The following VCAN variants were observed in gnomAD, a reference collection of about 807,000 sequenced individuals.
The protein encoded by VCAN is versican core protein.
A neutral mutation model predicts 245.5 loss-of-function variants in VCAN; 44 were observed. The ratio of observed to expected loss-of-function variants is 0.18; its 90% CI spans 0.14 to 0.23. The LOEUF (loss-of-function observed/expected upper bound fraction) is 0.23. Among genes scored for constraint, VCAN ranks in the 10% least tolerant of loss-of-function variants. VCAN has a pLI of 1.00. For synonymous variants in VCAN, 1,413 were observed against 1,437.0 expected (o/e 0.98, Z 0.38); for missense variants, 3,793 against 4,057.9 (o/e 0.93, Z 1.77).
chr5:83,566,323 G>C (rs981170618), intron 12 of VCAN, among the ~76,000 whole-genome samples: 5 of 152,058 alleles, frequency 3.3e-5, no homozygotes, highest in Non-Finnish European at 7.4e-5. Context: ...TAAGGAAAAG[G>C]GCTATTAGTG....
intron 5 of VCAN, among the ~76,000 whole-genome samples, chr5:83,505,874 TTC>T (rs1745467086): frequency 6.6e-6 from 1 of 152,228 alleles, no homozygotes; most frequent in Admixed American, 6.5e-5. Context: ...AGTTCTTGAC[TTC>T]TGTGCACCCA....
chr5:83,496,132 T>G (rs1745152700), intron 5 of VCAN, among the ~76,000 whole-genome samples: 1 of 152,216 alleles, frequency 6.6e-6, no homozygotes, highest in Non-Finnish European at 1.5e-5. Context: ...CACACTGTCT[T>G]CATTGAACGA....
intron 12 of VCAN, among the ~76,000 whole-genome samples, chr5:83,562,866 C>T (rs1257691366): frequency 6.6e-6 from 1 of 152,136 alleles, no homozygotes; most frequent in Admixed American, 6.6e-5. Flanking sequence ...GCGAGTAACT[C>T]ACATCCTTCT....
chr5:83,576,861 T>C lies in VCAN; in HGVS notation c.9881-3119T>C, dbSNP rs184021535. Among the ~76,000 whole-genome samples, 3 of 152,268 alleles carry C rather than the reference T, an allele frequency of 2.0e-5. No homozygotes were observed. The East Asian group carries it at 5.8e-4, about 29-fold the overall frequency. On this transcript the variant is annotated intron_variant, in intron 13 of 14. Transcript: ENST00000265077. ...TATATTTATCAATCACTTGAAGCTC[T>C]GCTTTTGTAAAGTTTCTGTTCATAT...
At chr5:83,562,672 A>AAAT (rs1554042785) in intron 12 of VCAN, among the ~76,000 whole-genome samples, 1 of 146,526 alleles carries the variant, frequency 6.8e-6, no homozygotes, top group African/African-American at 2.5e-5. Flanking sequence ...AAAAAAAAAA[A>AAAT]ATATATTGAA....
chr5:83,562,452 TG>T (rs1159636579), intron 12 of VCAN: 2 of 152,136 alleles, frequency 1.3e-5, no homozygotes, highest in African/African-American at 4.8e-5. Context: ...AGTGGTGGGT[TG>T]AACAGCTGGA....
chr5:83,514,026 A>G (rs1168509146), intron 6 of VCAN, among the ~76,000 whole-genome samples: 1 of 152,196 alleles, frequency 6.6e-6, no homozygotes, highest in Non-Finnish European at 1.5e-5. Flanking sequence ...CTGTAGCCAC[A>G]AAGACTATTA....
chr5:83,578,128 G>T (rs1748544828), intron 13 of VCAN, among the ~76,000 whole-genome samples: 1 of 152,038 alleles, frequency 6.6e-6, no homozygotes, highest in Non-Finnish European at 1.5e-5. Flanking sequence ...AAAGAAGTGT[G>T]CACCATGGAA....
intron 5 of VCAN, among the ~76,000 whole-genome samples, chr5:83,503,372 C>G (rs1354007643): frequency 6.6e-6 from 1 of 152,170 alleles, no homozygotes; most frequent in African/African-American, 2.4e-5. Context: ...TATTTAGAAG[C>G]TCATTTCATG....
chr5:83,521,151 G>T lies in VCAN; in HGVS notation c.2845G>T (p.Val949Leu). Residue 949 changes from valine to leucine, a missense_variant, in exon 7 of 15, where the codon GTG becomes TTG. By Grantham distance (32) the Val-to-Leu change is conservative. Around this residue, in one of 5 missense-constraint regions of VCAN, gnomAD observed 3,182 missense variants for 3,250.3 expected, o/e 0.98. Coordinates refer to ENST00000265077, the MANE Select transcript of VCAN (RefSeq NM_004385.5). The stretch of plus-strand genomic sequence containing the variant: ...TCCCCAATTTGCACACACTTCAGAG[G>T]TGGAAGGATTAGCATTTGTTAGTTA... ...TVPQFAHTSE[V>L]EGLAFVSYSS... is the part of the protein sequence containing the mutation. 6.2e-7 allele frequency: 1 copy of T among 1,613,956 alleles called. No individual in the cohort carries two copies. The highest frequency in any genetic ancestry group is 2.2e-5 in the East Asian group (1 of 44,882).
Position 83,474,067 on chromosome 5 carries a change from A to G in VCAN, c.-7+2044A>G, listed in dbSNP as rs147736721. On this transcript the variant is annotated intron_variant, in intron 1 of 14. Coordinates refer to ENST00000265077, the MANE Select transcript of VCAN (RefSeq NM_004385.5). ...TGGGCGTCTTTAAGAAAGATAATACACATACCGTGCTCTCAAAACCCATGA... is the reference window on the plus strand; with the variant it reads ...TGGGCGTCTTTAAGAAAGATAATACGCATACCGTGCTCTCAAAACCCATGA... Among the ~76,000 whole-genome samples, 19 of 152,092 alleles carry G rather than the reference A, an allele frequency of 1.2e-4. No individual in the cohort carries two copies. The East Asian group carries it at 3.7e-3, about 30-fold the overall frequency.
chr5:83,538,905 C>G lies in VCAN; in HGVS notation c.5902C>G (p.Gln1968Glu), dbSNP rs775630677. 9.3e-6 allele frequency: 15 copies of G among 1,613,856 alleles called. No individual in the cohort carries two copies. In the Admixed American group the frequency reaches 1.8e-4, roughly 20 times the overall value. The change falls in exon 8 of 15, where the codon CAG becomes GAG. Residue 1968 changes from glutamine to glutamate, a missense_variant. Coordinates refer to ENST00000265077, the MANE Select transcript of VCAN (RefSeq NM_004385.5). ...GSGDAAFRDT[Q>E]TSPSTVPTSV... is the part of the protein sequence containing the mutation. ...TGGAGATGCAGCATTTAGGGACACC[C>G]AGACTTCACCATCTACAGTACCTAC... is the stretch of plus-strand genomic sequence containing the variant.
Position 83,572,505 on chromosome 5 carries a change from G to C in VCAN, c.9825G>C (p.Gln3275His), listed in dbSNP as rs745742064. Residue 3275 changes from glutamine (Q) to histidine (H), a missense_variant, in exon 13 of 15, where the codon CAG (glutamine) becomes CAC (histidine). Gln to His is a conservative substitution (Grantham distance 24). This residue lies in a region of VCAN where 205 missense variants were observed against 321.1 expected (regional missense o/e 0.64). Coordinates refer to ENST00000265077, the MANE Select transcript of VCAN (RefSeq NM_004385.5). ...TAATCATTTGGCATGAGAATGGCCAGTGGAATGATGTTCCCTGCAATTACC... is the reference window on the plus strand; with the variant it reads ...TAATCATTTGGCATGAGAATGGCCACTGGAATGATGTTCCCTGCAATTACC... ...CVVIIWHENG[Q>H]WNDVPCNYHL... 6.2e-7 allele frequency: 1 copy of C among 1,613,810 alleles called. No homozygotes were observed. Among genetic ancestry groups the C allele is most frequent in the South Asian group, 1.1e-5 (1 of 91,086 alleles).
In VCAN at chr5:83,541,456, C is replaced by A. The variant is rs753597820; in HGVS notation, c.8453C>A (p.Ala2818Glu). 6.2e-7 allele frequency: 1 copy of A among 1,614,050 alleles called. No homozygotes were observed. The highest frequency in any genetic ancestry group is 8.5e-7 in the Non-Finnish European group (1 of 1,180,000). Reference protein sequence around the residue: ...TDTTLAVSTFAKLSSQTPSSP... With the variant: ...TDTTLAVSTFEKLSSQTPSSP... Reference sequence around the variant, plus strand: ...ACAACATTAGCAGTTTCAACATTTGCGAAGTTGTCTTCTCAGACACCATCA... The same window carrying A: ...ACAACATTAGCAGTTTCAACATTTGAGAAGTTGTCTTCTCAGACACCATCA... Residue 2818 changes from alanine (A) to glutamate (E), a missense_variant, in exon 8 of 15, where the codon GCG becomes GAG. Physicochemically the swap from Ala to Glu is moderately radical, Grantham distance 107. Transcript: ENST00000265077.
In VCAN at chr5:83,539,070, G is replaced by T. The variant is rs765705867; in HGVS notation, c.6067G>T (p.Val2023Phe). 4.3e-6 allele frequency: 7 copies of T among 1,613,872 alleles called. No individual in the cohort carries two copies. The highest frequency in any genetic ancestry group is 2.7e-5 in the African/African-American group (2 of 74,938). Residue 2023 changes from valine (V) to phenylalanine (F), a missense_variant, in exon 8 of 15, where the codon GTT becomes TTT. This residue lies in a region of VCAN where 3,182 missense variants were observed against 3,250.3 expected (regional missense o/e 0.98). Transcript: ENST00000265077. ...ACTGGTCACAGTCAGCAGCTCTGTTGTTCCAGTGCTTCCCAGTGCTGTGCA... is the reference window on the plus strand; with the variant it reads ...ACTGGTCACAGTCAGCAGCTCTGTTTTTCCAGTGCTTCCCAGTGCTGTGCA... ...EQLVTVSSSV[V>F]PVLPSAVQKF...
intron 10 of VCAN, among the ~76,000 whole-genome samples, chr5:83,551,273 G>A (rs1477374362): frequency 1.3e-5 from 2 of 152,122 alleles, no homozygotes; most frequent in South Asian, 4.1e-4. Flanking sequence ...CACTCTGGGA[G>A]GCCAAGGCAG....
intron 5 of VCAN, 57 bp from the exon 6 acceptor site, chr5:83,512,046 A>G (rs1175305209): frequency 6.2e-7 from 1 of 1,607,144 alleles, no homozygotes; most frequent in East Asian, 2.2e-5. Flanking sequence ...TATTTATCCA[A>G]CAGGAAAGGA....
intron 7 of VCAN, among the ~76,000 whole-genome samples, chr5:83,527,642 T>G (rs16900499): frequency 0.035 from 5,308 of 152,286 alleles, 343 homozygotes; most frequent in African/African-American, 0.12. Flanking sequence ...GTGAAATATT[T>G]TGTATACGTA....
intron 1 of VCAN, among the ~76,000 whole-genome samples, chr5:83,473,462 G>T (rs1326649946): frequency 2.6e-5 from 4 of 152,076 alleles, no homozygotes; most frequent in African/African-American, 9.7e-5. Context: ...CCTCATCTTT[G>T]TGTCTCCCTC....
Sources: allele counts gnomAD v4.1 joint callset (sites outside exome capture counted in the v4.1 genomes callset), GRCh38; gene constraint gnomAD v4.1.1; regional missense constraint gnomAD v4.1.1; transcripts MANE v1.5; gene names NCBI Gene and HGNC (gene_info 2026-07-23, HGNC 2026-07-21).